Variants in DLEC1 observed in about 807,000 individuals in gnomAD.
DLEC1 encodes DLEC1 cilia and flagella associated protein, also known as deleted in lung and esophageal cancer protein 1.
In DLEC1, 146 loss-of-function variants were observed where a neutral mutation model predicts 198.1. The observed-to-expected ratio is 0.74, with a 90% confidence interval of 0.64 to 0.85. The LOEUF is 0.85. Ranked by LOEUF, DLEC1 falls within the 40% of genes least tolerant of loss-of-function variation. DLEC1 has a pLI of 0.00. For synonymous variants in DLEC1, 897 were observed against 866.8 expected (o/e 1.03, Z -0.61); for missense variants, 2,233 against 2,220.0 (o/e 1.01, Z -0.12).
At chr3:38,041,473 AAATTT>A (rs1224975922) in intron 1 of DLEC1, among the ~76,000 whole-genome samples, 1 of 152,166 alleles carries the variant, frequency 6.6e-6, no homozygotes, top group African/African-American at 2.4e-5. Flanking sequence ...TTAGAAGCTG[AAATTT>A]AATTTAAACA....
At position 38,120,577 on chromosome 3, in the gene DLEC1, C is replaced by T. The variant is rs1260087250; in HGVS notation, c.4834C>T (p.Leu1612=). Reference sequence around the variant, plus strand: ...GAGAGAGATGGTGTTTACTCAGAACCTGCTCCTGGAGTACACCAACCAGAC... The same window carrying T: ...GAGAGAGATGGTGTTTACTCAGAACTTGCTCCTGGAGTACACCAACCAGAC... ...GEREMVFTQN[L]LLEYTNQTTQ... Residue 1612 remains leucine, a synonymous_variant, in exon 34 of 37, where the codon CTG becomes TTG. Coordinates refer to ENST00000308059, the MANE Select transcript of DLEC1 (RefSeq NM_007335.4). The T allele has an allele frequency of 6.2e-7, 1 of 1,613,732 alleles. No individual in the cohort carries two copies. Among genetic ancestry groups the T allele is most frequent in the African/African-American group, 1.3e-5 (1 of 74,924 alleles).
intron 7 of DLEC1, among the ~76,000 whole-genome samples, chr3:38,084,503 GGTA>G (rs878880471): frequency 8.2e-3 from 66 of 8,044 alleles, no homozygotes; most frequent in East Asian, 0.032. Context: ...TAGTAGTAGT[GGTA>G]GTAGTAGTAG....
chr3:38,098,002 G>A, intron 18 of DLEC1, 100 bp downstream of exon 18: 7 of 1,466,788 alleles, frequency 4.8e-6, no homozygotes, highest in Non-Finnish European at 5.5e-6. Flanking sequence ...AGAGCTTCGA[G>A]GCTGGTGGAG....
intron 33 of DLEC1, among the ~76,000 whole-genome samples, chr3:38,120,107 G>C (rs910805085): frequency 6.6e-6 from 1 of 152,176 alleles, no homozygotes; most frequent in African/African-American, 2.4e-5. Context: ...CCTGTCAGAG[G>C]CTCCTCACTA....
chr3:38,100,023 C>T (rs967870898), intron 18 of DLEC1, among the ~76,000 whole-genome samples: 4 of 152,204 alleles, frequency 2.6e-5, no homozygotes, highest in Non-Finnish European at 5.9e-5. Context: ...CTCCCTCCGC[C>T]TTCTATCTCT....
At chr3:38,061,586 A>ATG (rs1377461790) in intron 3 of DLEC1, among the ~76,000 whole-genome samples, 1 of 152,170 alleles carries the variant, frequency 6.6e-6, no homozygotes, top group East Asian at 1.9e-4. Context: ...GTGTACAGGC[A>ATG]TGTGTGTGTG....
chr3:38,114,914 A>T (rs557798945), intron 26 of DLEC1, 69 bp from the exon 27 acceptor site: 1 of 1,443,872 alleles, frequency 6.9e-7, no homozygotes, highest in African/African-American at 1.4e-5. Flanking sequence ...CCCCAGTCCC[A>T]GCCCTCCTCC....
Position 38,122,560 on chromosome 3 carries a change from T to G in DLEC1, c.*148T>G. 6.2e-7 allele frequency: 1 copy of G among 1,605,810 alleles called. No homozygotes were observed. The highest frequency in any genetic ancestry group is 1.1e-5 in the South Asian group (1 of 89,968). ...GGAATGGAAGAACCCCCTTCCACAA[T>G]GGTCTCAGCCTAGGCCCTCATGATA... On this transcript the variant is annotated 3_prime_UTR_variant, in exon 37 of 37. Coordinates refer to ENST00000308059, the MANE Select transcript of DLEC1 (RefSeq NM_007335.4).
chr3:38,096,093 C>A, intron 14 of DLEC1, 147 bp downstream of exon 14: 2 of 852,938 alleles, frequency 2.3e-6, no homozygotes, highest in Non-Finnish European at 3.7e-6. Flanking sequence ...TTTTGCCTTG[C>A]CCTGGCAACC....
Position 38,120,592 on chromosome 3 carries a change from A to C in DLEC1, c.4849A>C (p.Thr1617Pro). ...TACTCAGAACCTGCTCCTGGAGTACACCAACCAGACCACTCAGGCACGCCC... is the reference window on the plus strand; with the variant it reads ...TACTCAGAACCTGCTCCTGGAGTACCCCAACCAGACCACTCAGGCACGCCC... ...VFTQNLLLEY[T>P]NQTTQVVPLR... Residue 1617 changes from threonine (T) to proline (P), a missense_variant, in exon 34 of 37, where the codon ACC (threonine) becomes CCC (proline). By Grantham distance (38) the Thr-to-Pro change is conservative. Transcript: ENST00000308059. 6.2e-7 allele frequency: 1 copy of C among 1,613,438 alleles called. No homozygotes were observed. Among genetic ancestry groups the C allele is most frequent in the Non-Finnish European group, 8.5e-7 (1 of 1,180,000 alleles).
In DLEC1 at chr3:38,122,800, T is replaced by C. The variant is rs1225985259; in HGVS notation, c.*388T>C. On this transcript the variant is annotated 3_prime_UTR_variant, in exon 37 of 37. Transcript: ENST00000308059. ...AAGAATTAACCATGGCCTTGTGGCC[T>C]GGGTGACCCAGGCTGCTTTTATCTT... 1.9e-6 allele frequency: 2 copies of C among 1,036,420 alleles called. No homozygotes were observed. Among genetic ancestry groups the C allele is most frequent in the Non-Finnish European group, 2.7e-6 (2 of 742,392 alleles). The allele number at this position is 1,036,420 out of a possible 1,614,324, so 64.2% of individuals were successfully genotyped here.
intron 1 of DLEC1, among the ~76,000 whole-genome samples, chr3:38,042,776 T>G (rs1700718415): frequency 6.6e-6 from 1 of 152,076 alleles, no homozygotes; most frequent in Admixed American, 6.5e-5. Flanking sequence ...AGACTGGTCT[T>G]GAACTCCTGA....
intron 23 of DLEC1, 125 bp downstream of exon 23, chr3:38,110,406 C>A: frequency 8.3e-7 from 1 of 1,199,834 alleles, no homozygotes; most frequent in South Asian, 1.4e-5. Context: ...TGTGTTTTTA[C>A]AGGTAGACAT....
intron 6 of DLEC1, among the ~76,000 whole-genome samples, chr3:38,083,166 C>T (rs894810674): frequency 9.2e-5 from 14 of 151,646 alleles, no homozygotes; most frequent in South Asian, 8.3e-4. Flanking sequence ...GACCTGAGGT[C>T]GTAGGTGGTT....
intron 3 of DLEC1, among the ~76,000 whole-genome samples, chr3:38,061,167 G>GTTTT (rs1200502431): frequency 7.2e-5 from 4 of 55,890 alleles, no homozygotes; most frequent in African/African-American, 3.2e-4. Context: ...TGGTTTTCTT[G>GTTTT]TTTGTTTGTT....
chr3:38,096,506 G>C, intron 14 of DLEC1, 63 bp from the exon 15 acceptor site: 1 of 1,543,804 alleles, frequency 6.5e-7, no homozygotes, highest in Non-Finnish European at 8.7e-7. Flanking sequence ...GACAGAGGCA[G>C]GGACACTCTA....
At position 38,122,434 on chromosome 3, in the gene DLEC1, C is replaced by G. The variant is rs1428469734; in HGVS notation, c.*22C>G. 5 of 1,614,012 alleles carry G rather than the reference C, an allele frequency of 3.1e-6. No individual in the cohort carries two copies. The African/African-American group carries it at 6.7e-5, about 22-fold the overall frequency. ...CTGAGGCTCCGCCCCAGCCCTCAGC[C>G]CCAGGCCCCAGCTGGAGAAAAAACA... is the stretch of plus-strand genomic sequence containing the variant. On this transcript the variant is annotated 3_prime_UTR_variant, in exon 37 of 37. Coordinates refer to ENST00000308059, the MANE Select transcript of DLEC1 (RefSeq NM_007335.4).
chr3:38,111,728 G>T lies in DLEC1; in HGVS notation c.3495G>T (p.Leu1165=). The change falls in exon 24 of 37, where the codon CTG becomes CTT. Residue 1165 remains leucine, a synonymous_variant. Transcript: ENST00000308059. ...LLKTVRMQEH[L]AKREQLDFME... is the part of the protein sequence containing the mutation. Reference sequence around the variant, plus strand: ...AGACAGTGCGGATGCAAGAGCACCTGGCCAAGCGAGAGCAGCTGGGTAAGC... The same window carrying T: ...AGACAGTGCGGATGCAAGAGCACCTTGCCAAGCGAGAGCAGCTGGGTAAGC... 1 of 1,612,852 alleles carries T rather than the reference G, an allele frequency of 6.2e-7. No homozygotes were observed. The highest frequency in any genetic ancestry group is 8.5e-7 in the Non-Finnish European group (1 of 1,179,792).
chr3:38,096,727 A>C lies in DLEC1; in HGVS notation c.2330A>C (p.Lys777Thr). The change falls in exon 15 of 37, where the codon AAG becomes ACG. Residue 777 changes from lysine (K) to threonine (T), a missense_variant. By Grantham distance (78) the Lys-to-Thr change is moderately conservative. Transcript: ENST00000308059. ...AACTACATTGGGATAAATGTGAAGA[A>C]GGCTTTTAAGGTAGGTCATTGTCTC... ...GENYIGINVK[K>T]AFKMWNNSKS... is the part of the protein sequence containing the mutation. The C allele has an allele frequency of 1.2e-6, 2 of 1,608,616 alleles. No individual in the cohort carries two copies. The highest frequency in any genetic ancestry group is 1.7e-5 in the Admixed American group (1 of 59,172).
Sources: allele counts gnomAD v4.1 joint callset (sites outside exome capture counted in the v4.1 genomes callset), GRCh38; gene constraint gnomAD v4.1.1; transcripts MANE v1.5; gene names NCBI Gene and HGNC (gene_info 2026-07-23, HGNC 2026-07-21).